Variants in ACOT11 observed in about 807,000 individuals in gnomAD.
ACOT11 encodes the protein acyl-coenzyme A thioesterase 11.
In ACOT11, 69 loss-of-function variants were observed where a neutral mutation model predicts 77.5. That is an observed-to-expected ratio of 0.89 (90% confidence interval 0.73 to 1.09). ACOT11 has a LOEUF of 1.09. ACOT11 is among the 50% of genes least tolerant of loss of function. The pLI, the probability that ACOT11 is intolerant of heterozygous loss-of-function variation, is 0.00. For missense variants in ACOT11, 766 were observed against 813.7 expected (o/e 0.94, Z 0.71); for synonymous variants, 279 against 313.0 (o/e 0.89, Z 1.15).
intron 15 of ACOT11, chr1:54,615,937 G>T: frequency 6.9e-7 from 1 of 1,440,780 alleles, no homozygotes; most frequent in East Asian, 2.4e-5. Context: ...GGCTGGACTT[G>T]CTTCCCAGTG....
chr1:54,624,066 G>A (rs773931109), intron 15 of ACOT11, among the ~76,000 whole-genome samples: 3 of 152,204 alleles, frequency 2.0e-5, no homozygotes, highest in Non-Finnish European at 2.9e-5. Flanking sequence ...CTGGGGCAGC[G>A]AGTCCATGGG....
At chr1:54,551,950 CCTA>C in intron 1 of ACOT11, among the ~76,000 whole-genome samples, 1 of 152,136 alleles carries the variant, frequency 6.6e-6, no homozygotes, top group Middle Eastern at 3.4e-3. Context: ...ACAATGCAAT[CCTA>C]CTGTTTTACC....
chr1:54,554,352 T>TATATATATA (rs536616509), intron 1 of ACOT11, among the ~76,000 whole-genome samples: 64 of 46,360 alleles, frequency 1.4e-3, no homozygotes, highest in Non-Finnish European at 1.9e-3. Flanking sequence ...TATATATATA[T>TATATATATA]TTTTTTTTTT....
intron 6 of ACOT11, among the ~76,000 whole-genome samples, chr1:54,596,254 A>G (rs1239387993): frequency 6.6e-6 from 1 of 151,776 alleles, no homozygotes; most frequent in African/African-American, 2.4e-5. Flanking sequence ...GCCACCCTCA[A>G]CTTCCCCTCC....
chr1:54,563,450 G>A (rs966221679), intron 1 of ACOT11, among the ~76,000 whole-genome samples: 1 of 152,180 alleles, frequency 6.6e-6, no homozygotes, highest in African/African-American at 2.4e-5. Context: ...TCCCTCACAG[G>A]GTTTTGGTGA....
At chr1:54,565,939 T>G (rs1246362771) in intron 1 of ACOT11, among the ~76,000 whole-genome samples, 13 of 152,196 alleles carry the variant, frequency 8.5e-5, no homozygotes, top group Admixed American at 8.5e-4. Context: ...CTTTCCCTAA[T>G]TCACTCTAAC....
chr1:54,551,034 G>A (rs1163430692), intron 1 of ACOT11, among the ~76,000 whole-genome samples: 1 of 151,528 alleles, frequency 6.6e-6, no homozygotes, highest in Admixed American at 6.6e-5. Context: ...CAGCTACTCG[G>A]GATGCCGAGG....
chr1:54,631,743 G>C (rs947596615), intron 16 of ACOT11, among the ~76,000 whole-genome samples: 17 of 152,110 alleles, frequency 1.1e-4, no homozygotes, highest in Non-Finnish European at 2.2e-4. Flanking sequence ...AGGGACCAAG[G>C]GAACCATAGG....
In ACOT11 at chr1:54,601,140, C is replaced by CATGTGT; in HGVS notation, c.885-129_885-128insATGTGT. The CATGTGT allele has an allele frequency of 5.2e-6, 4 of 775,300 alleles. No homozygotes were observed. In the South Asian group the frequency reaches 7.6e-5, roughly 15 times the overall value. The allele number at this position is 775,300 out of a possible 1,614,324, so 48.0% of individuals were successfully genotyped here. On this transcript the variant is annotated intron_variant, in intron 8 of 15. Transcript: ENST00000343744. ...ACATGTGTGTGTATGTGTGTGCATA[C>CATGTGT]GTGTGTGTGTGTGCATGCATGTGTG...
At chr1:54,630,999 T>G (rs1644296769) in intron 16 of ACOT11, 1 of 494,694 alleles carries the variant, frequency 2.0e-6, no homozygotes, top group African/African-American at 2.0e-5. Context: ...AACAACAGTA[T>G]AGCGAAGTAA....
intron 11 of ACOT11, 49 bp from the exon 12 acceptor site, chr1:54,604,297 C>G: frequency 6.4e-7 from 1 of 1,569,466 alleles, no homozygotes; most frequent in Admixed American, 1.7e-5. Context: ...GGCTCAGGGG[C>G]CCTGAAGGAA....
At chr1:54,623,396 G>A (rs559298887) in intron 15 of ACOT11, 1 of 1,611,916 alleles carries the variant, frequency 6.2e-7, no homozygotes, top group African/African-American at 1.3e-5. Flanking sequence ...TGCAGACCAT[G>A]GCGACGCTCT....
rs775758314 is a variant in ACOT11, at chr1:54,584,735, C to T, written c.114C>T (p.Gly38=). The T allele has an allele frequency of 2.3e-5, 37 of 1,614,128 alleles. No individual in the cohort carries two copies. Among genetic ancestry groups the T allele is most frequent in the Non-Finnish European group, 2.9e-5 (34 of 1,180,020 alleles). ...RAGNDSAMAD[G]EGYRNPTEVQ... ...GGAACGACAGTGCCATGGCAGACGG[C>T]GAGGGATACCGGAACCCCACGGAGG... is the stretch of plus-strand genomic sequence containing the variant. Residue 38 remains glycine, a synonymous_variant, in exon 2 of 16, where the codon GGC becomes GGT. Transcript: ENST00000343744. This position sits in a 1 kb window ranked among gnomAD's most constrained non-coding sequence, Gnocchi z 6.3.
At chr1:54,554,369 T>TTG (rs1653189931) in intron 1 of ACOT11, among the ~76,000 whole-genome samples, 2 of 128,922 alleles carry the variant, frequency 1.6e-5, no homozygotes, top group African/African-American at 5.8e-5. Context: ...TTTTTTTTTT[T>TTG]GAGATGGAGT....
chr1:54,551,001 A>G (rs573130338), intron 1 of ACOT11, among the ~76,000 whole-genome samples: 3 of 151,958 alleles, frequency 2.0e-5, no homozygotes, highest in South Asian at 2.1e-4. Context: ...TTAGCTGGGC[A>G]TGGTGGCATG....
Position 54,607,075 on chromosome 1 carries a change from C to G in ACOT11, c.1371-59C>G. ...CAGTGTGGCAGGGCCCGGGCAGACC[C>G]GCTGCTTGCATGGGAGCTGGAAGCT... On this transcript the variant is annotated intron_variant, in intron 13 of 15. Transcript: ENST00000343744. The surrounding 1 kb of genome is among the most constrained non-coding windows in gnomAD (Gnocchi z 4.5). 6.2e-7 allele frequency: 1 copy of G among 1,607,292 alleles called. No individual in the cohort carries two copies. Among genetic ancestry groups the G allele is most frequent in the Non-Finnish European group, 8.5e-7 (1 of 1,176,678 alleles).
intron 15 of ACOT11, among the ~76,000 whole-genome samples, chr1:54,626,276 A>G (rs1214886190): frequency 2.0e-5 from 3 of 152,100 alleles, no homozygotes; most frequent in Non-Finnish European, 4.4e-5. Context: ...TTTCAAAAAA[A>G]AGAAAAGAAA....
chr1:54,588,876 G>A (rs1654604067), intron 3 of ACOT11, among the ~76,000 whole-genome samples: 1 of 152,182 alleles, frequency 6.6e-6, no homozygotes, highest in East Asian at 1.9e-4. Context: ...AGGACAAGCT[G>A]GGGAGGGGCC....
rs376964559 is a variant in ACOT11, at chr1:54,592,478, G to T, written c.312-68G>T. ...GCTCCCCGCAAGAGAGGCTCTGCAA[G>T]TATCTGAGGCCCCTGTTCCTCCCTC... On this transcript the variant is annotated intron_variant, in intron 3 of 15. Transcript: ENST00000343744. 1,755 of 1,466,120 alleles carry T rather than the reference G, an allele frequency of 1.2e-3. 4 individuals are homozygous for T. Among genetic ancestry groups the T allele is most frequent in the Non-Finnish European group, 1.6e-3 (1,700 of 1,067,308 alleles). The allele number at this position is 1,466,120 out of a possible 1,614,324, so 90.8% of individuals were successfully genotyped here.
Sources: allele counts gnomAD v4.1 joint callset (sites outside exome capture counted in the v4.1 genomes callset), GRCh38; gene constraint gnomAD v4.1.1; non-coding constraint Gnocchi (gnomAD v3.1); transcripts MANE v1.5; gene names NCBI Gene and HGNC (gene_info 2026-07-23, HGNC 2026-07-21).